The following ACACA variants were observed in gnomAD, a reference collection of about 807,000 sequenced individuals.
ACACA encodes acetyl-CoA carboxylase 1.
Under a neutral mutation model 296.1 loss-of-function variants are expected in ACACA, and 103 were observed. That is an observed-to-expected ratio of 0.35 (90% CI 0.30 to 0.41). ACACA has a LOEUF of 0.41. Ranked by LOEUF, ACACA falls within the 10% of genes least tolerant of loss-of-function variation. The probability of loss-of-function intolerance (pLI) is 1.00; values close to 1 mark genes in which losing one functional copy is unlikely to be tolerated. For missense variants in ACACA, 1,554 were observed against 2,989.7 expected (o/e 0.52, Z 11.20); for synonymous variants, 953 against 1,038.6 (o/e 0.92, Z 1.58).
chr17:37,265,019 T>C (rs1330008295), intron 10 of ACACA, among the ~76,000 whole-genome samples: 1 of 152,170 alleles, frequency 6.6e-6, no homozygotes, highest in Non-Finnish European at 1.5e-5. Flanking sequence ...GCTGGAATCG[T>C]TCATCTCCAA....
At chr17:37,360,983 C>G (rs770577987) in intron 1 of ACACA, among the ~76,000 whole-genome samples, 1 of 151,640 alleles carries the variant, frequency 6.6e-6, no homozygotes, top group African/African-American at 2.4e-5. Context: ...TTGCCTCTTA[C>G]TTTTCTTTTA....
At chr17:37,381,845 T>C (rs569827123) in intron 1 of ACACA, among the ~76,000 whole-genome samples, 19 of 151,776 alleles carry the variant, frequency 1.3e-4, no homozygotes, top group Non-Finnish European at 2.2e-4. Flanking sequence ...GCCAGGATGG[T>C]CTCGATCGCC....
At chr17:37,276,160 A>C (rs2082277759) in intron 7 of ACACA, 111 bp from the exon 8 acceptor site, 2 of 781,484 alleles carry the variant, frequency 2.6e-6, no homozygotes, top group Admixed American at 3.8e-5. Context: ...TCCTCCCCCC[A>C]CCCCTCACAT....
At chr17:37,389,362 G>A in intron 1 of ACACA, 1 of 1,576,300 alleles carries the variant, frequency 6.3e-7, no homozygotes, top group Non-Finnish European at 8.6e-7. Flanking sequence ...AGCCCCAGAA[G>A]GAAAGTGTTC....
chr17:37,126,780 C>T (rs148347786), intron 47 of ACACA, among the ~76,000 whole-genome samples: 1 of 152,214 alleles, frequency 6.6e-6, no homozygotes, highest in African/African-American at 2.4e-5. Flanking sequence ...CTCTATGGCC[C>T]CAGTGTAAAA....
intron 1 of ACACA, among the ~76,000 whole-genome samples, chr17:37,368,907 A>G (rs1201785788): frequency 5.3e-5 from 8 of 152,192 alleles, no homozygotes; most frequent in Non-Finnish European, 1.2e-4. Context: ...ACAGTTTGGC[A>G]TTAATTGGTA....
At chr17:37,180,406 A>G (rs565384924) in intron 40 of ACACA, among the ~76,000 whole-genome samples, 37 of 152,334 alleles carry the variant, frequency 2.4e-4, no homozygotes, top group African/African-American at 8.4e-4. Flanking sequence ...GGCTACATAT[A>G]TTACTTTACT....
chr17:37,114,344 C>CCAA (rs1257257725), intron 50 of ACACA, among the ~76,000 whole-genome samples: 6 of 151,766 alleles, frequency 4.0e-5, no homozygotes, highest in Admixed American at 3.3e-4. Flanking sequence ...GAGTTCAAGA[C>CCAA]CAACAGAGAG....
In ACACA at chr17:37,218,145, A is replaced by AAC. The variant is rs1483315364; in HGVS notation, c.3683+3577_3683+3578dup. On this transcript the variant is annotated intron_variant, in intron 29 of 55. Coordinates refer to ENST00000616317, the MANE Select transcript of ACACA (RefSeq NM_198834.3). ...TCCTCTCTCCACGGGCACTACCAGTAACAAAAAAAAAAAAAAAAAAAAGAG... is the reference window on the plus strand; with the variant it reads ...TCCTCTCTCCACGGGCACTACCAGTAACACAAAAAAAAAAAAAAAAAAAAGAG... Among the ~76,000 whole-genome samples the AAC allele has an allele frequency of 3.4e-3, 227 of 66,344 alleles. 5 individuals carry two copies. The highest frequency in any genetic ancestry group is 1.0e-2 in the East Asian group (20 of 2,006). 43.5% of individuals were successfully genotyped at this position (66,344 alleles called of 152,430 possible).
intron 54 of ACACA, among the ~76,000 whole-genome samples, chr17:37,090,172 A>C (rs1202725654): frequency 6.6e-6 from 1 of 152,188 alleles, no homozygotes. Flanking sequence ...TGGGCTGCAG[A>C]GGAAATGTCT....
At chr17:37,293,539 CTT>C (rs58534025) in intron 3 of ACACA, among the ~76,000 whole-genome samples, 22 of 124,582 alleles carry the variant, frequency 1.8e-4, no homozygotes, top group African/African-American at 3.3e-4. Flanking sequence ...AATTTTAGGA[CTT>C]TTTTTTTTTT....
At chr17:37,338,133 A>C (rs1210681979) in intron 2 of ACACA, among the ~76,000 whole-genome samples, 2 of 148,446 alleles carry the variant, frequency 1.3e-5, no homozygotes, top group Non-Finnish European at 3.0e-5. Context: ...AAAATAAAAT[A>C]AAACAAAACT....
Position 37,125,036 on chromosome 17 carries a change from G to A in ACACA, c.6041+662C>T, listed in dbSNP as rs370103695. The stretch of plus-strand genomic sequence containing the variant: ...GTGCAGAAGTAGATTAAGATCAGTC[G>A]TGGCAGGTGCTCGTTATAGCTCGTT... On this transcript the variant is annotated intron_variant, in intron 48 of 55. Transcript: ENST00000616317. 5.7e-4 allele frequency among the ~76,000 whole-genome samples: 87 copies of A among 152,304 alleles called. 3 individuals are homozygous for A. The East Asian group carries it at 0.013, about 23-fold the overall frequency.
intron 54 of ACACA, among the ~76,000 whole-genome samples, chr17:37,093,156 G>T (rs1318158000): frequency 6.6e-6 from 1 of 152,196 alleles, no homozygotes; most frequent in Non-Finnish European, 1.5e-5. Context: ...AGGTTTTGAG[G>T]TCAGTGGAAA....
intron 1 of ACACA, among the ~76,000 whole-genome samples, chr17:37,371,509 T>C (rs1006055506): frequency 3.9e-5 from 6 of 152,192 alleles, no homozygotes; most frequent in Non-Finnish European, 8.8e-5. Flanking sequence ...ATTTGGGTGA[T>C]GGTAACATAT....
chr17:37,234,673 T>G (rs1436438876), intron 25 of ACACA, among the ~76,000 whole-genome samples: 1 of 152,212 alleles, frequency 6.6e-6, no homozygotes. Context: ...TTAAAGCTGC[T>G]GTCATGATGA....
At chr17:37,225,143 G>A in intron 26 of ACACA, 38 bp from the exon 27 acceptor site, 7 of 1,250,256 alleles carry the variant, frequency 5.6e-6, no homozygotes, top group Non-Finnish European at 7.1e-6. Context: ...ACATTCCTCG[G>A]AGTGATTATT....
At position 37,150,351 on chromosome 17, in the gene ACACA, G is replaced by A. The variant is rs368850517; in HGVS notation, c.5569-377C>T. Among the ~76,000 whole-genome samples the A allele has an allele frequency of 1.5e-4, 23 of 152,266 alleles. No homozygotes were observed. In the East Asian group the frequency reaches 3.7e-3, roughly 24 times the overall value. ...GAGGTCAGGAGTTTGAGACCAGCCT[G>A]GCCAACATGGTGAAACCCTGTCTCT... is the stretch of plus-strand genomic sequence containing the variant. On this transcript the variant is annotated intron_variant, in intron 44 of 55. Transcript: ENST00000616317.
At chr17:37,187,478 T>C (rs1186680907) in intron 39 of ACACA, among the ~76,000 whole-genome samples, 2 of 152,202 alleles carry the variant, frequency 1.3e-5, no homozygotes, top group Non-Finnish European at 2.9e-5. Flanking sequence ...CCATAAAATA[T>C]CCTAGTTCTT....
Sources: allele counts gnomAD v4.1 joint callset (sites outside exome capture counted in the v4.1 genomes callset), GRCh38; gene constraint gnomAD v4.1.1; transcripts MANE v1.5; gene names NCBI Gene and HGNC (gene_info 2026-07-23, HGNC 2026-07-21).